Variants in KIT observed in about 807,000 individuals in gnomAD.
KIT encodes KIT proto-oncogene, receptor tyrosine kinase, also known as mast/stem cell growth factor receptor Kit.
In KIT, 16 loss-of-function variants were observed where a neutral mutation model predicts 105.7. The observed-to-expected ratio is 0.15, with a 90% CI of 0.10 to 0.23. The LOEUF (loss-of-function observed/expected upper bound fraction) is 0.23. Among genes scored for constraint, KIT ranks in the 10% least tolerant of loss-of-function variants. KIT has a pLI of 1.00. For synonymous variants in KIT, 438 were observed against 441.1 expected, an observed-to-expected ratio of 0.99 and a Z score of 0.09; for missense variants, 858 against 1,213.8, an observed-to-expected ratio of 0.71 and a Z score of 4.36.
At chr4:54,678,878 A>G (rs1394146840) in intron 1 of KIT, among the ~76,000 whole-genome samples, 2 of 152,166 alleles carry the variant, frequency 1.3e-5, no homozygotes, top group African/African-American at 4.8e-5. Flanking sequence ...TGCCACATGT[A>G]TTTTGTTTTA....
chr4:54,697,352 T>G (rs1720142500), intron 2 of KIT, among the ~76,000 whole-genome samples: 1 of 152,226 alleles, frequency 6.6e-6, no homozygotes. Flanking sequence ...CACCTGAGTT[T>G]CAGATGGAAA....
intron 1 of KIT, among the ~76,000 whole-genome samples, chr4:54,692,998 A>G (rs1206596802): frequency 6.6e-6 from 1 of 152,150 alleles, no homozygotes; most frequent in Non-Finnish European, 1.5e-5. Context: ...AAGCACCTTC[A>G]GTCTGTCCCT....
At chr4:54,709,715 T>C (rs1259735037) in intron 7 of KIT, 176 bp downstream of exon 7, 4 of 673,596 alleles carry the variant, frequency 5.9e-6, no homozygotes, top group African/African-American at 1.8e-5. Context: ...ACCAGTTCCT[T>C]GTCCTACATT....
rs750698749 is a variant in KIT at position 54,737,300 on chromosome 4, G to A, written c.2802+20G>A. 6.7e-7 allele frequency: 1 copy of A among 1,490,848 alleles called. No individual in the cohort carries two copies. Among genetic ancestry groups the A allele is most frequent in the Non-Finnish European group, 9.4e-7 (1 of 1,067,608 alleles). 92.4% of individuals were successfully genotyped at this position (1,490,848 alleles called of 1,614,324 possible). A position where few individuals can be genotyped will look rare whatever the true frequency, so the allele number is the denominator to read the frequency against. On this transcript the variant is annotated intron_variant, in intron 20 of 20. Coordinates refer to ENST00000288135, the MANE Select transcript of KIT (RefSeq NM_000222.3). ...AATCATGTGAGTATACCCTGGCCAG[G>A]CATAGAATCCCCCTTCTCCCAGTTC... is the stretch of plus-strand genomic sequence containing the variant.
chr4:54,715,814 C>T (rs1721453770), intron 7 of KIT, among the ~76,000 whole-genome samples: 1 of 152,292 alleles, frequency 6.6e-6, no homozygotes. Context: ...TGCCAGCTCT[C>T]TGGGTCACCC....
At chr4:54,726,188 C>T (rs1722207995) in intron 9 of KIT, 138 bp downstream of exon 9, 1 of 736,470 alleles carries the variant, frequency 1.4e-6, no homozygotes, top group African/African-American at 1.7e-5. Flanking sequence ...ATCAAACTCA[C>T]TAAGTTTCAT....
intron 7 of KIT, among the ~76,000 whole-genome samples, chr4:54,722,843 T>TTATATATTTATATA (rs1721966000): frequency 7.0e-6 from 1 of 143,176 alleles, no homozygotes; most frequent in African/African-American, 2.7e-5. Flanking sequence ...TTATATATAT[T>TTATATATTTATATA]TATATATATT....
intron 2 of KIT, among the ~76,000 whole-genome samples, chr4:54,697,213 G>A (rs1432177821): frequency 6.6e-6 from 1 of 152,130 alleles, no homozygotes; most frequent in African/African-American, 2.4e-5. Context: ...CCATCATGAG[G>A]TCATTTATTT....
At chr4:54,714,580 T>G (rs192068110) in intron 7 of KIT, among the ~76,000 whole-genome samples, 81 of 152,338 alleles carry the variant, frequency 5.3e-4, no homozygotes, top group Non-Finnish European at 1.0e-3. Flanking sequence ...ATAATTTACA[T>G]AATTGTAGAA....
chr4:54,718,429 T>C (rs1021664814), intron 7 of KIT, among the ~76,000 whole-genome samples: 3 of 152,226 alleles, frequency 2.0e-5, no homozygotes, highest in Admixed American at 2.0e-4. Context: ...ATTGAATTTA[T>C]TTCTGATTAG....
chr4:54,666,999 T>A (rs1325957271), intron 1 of KIT, among the ~76,000 whole-genome samples: 1 of 152,138 alleles, frequency 6.6e-6, no homozygotes, highest in Admixed American at 6.5e-5. Context: ...TTAAACTGAG[T>A]GTCAAAATAA....
chr4:54,708,459 G>A (rs1052628884), intron 6 of KIT, among the ~76,000 whole-genome samples: 1 of 152,054 alleles, frequency 6.6e-6, no homozygotes, highest in African/African-American at 2.4e-5. Context: ...AGCTGAGCGG[G>A]GCTTTTGCAC....
At chr4:54,699,178 T>G (rs1720288306) in intron 3 of KIT, among the ~76,000 whole-genome samples, 1 of 152,182 alleles carries the variant, frequency 6.6e-6, no homozygotes, top group Non-Finnish European at 1.5e-5. Flanking sequence ...AAAAGTATAC[T>G]TATTGAAATT....
Position 54,727,445 on chromosome 4 carries a change from TG to T in KIT, c.1678del (p.Val560LeufsTer4). On this transcript the variant is annotated frameshift_variant, in exon 11 of 21. Transcript: ENST00000288135. LOFTEE classifies it high-confidence loss of function. ...CCATGTATGAAGTACAGTGGAAGGT[TG>T]TTGAGGAGATAAATGGAAACAATTA... ...KPMYEVQWKV[V>X]EEINGNNYVY... The T allele has an allele frequency of 6.2e-7, 1 of 1,614,118 alleles. No individual in the cohort carries two copies. Among genetic ancestry groups the T allele is most frequent in the Non-Finnish European group, 8.5e-7 (1 of 1,179,986 alleles).
chr4:54,666,492 A>G (rs1166068152), intron 1 of KIT, among the ~76,000 whole-genome samples: 1 of 151,122 alleles, frequency 6.6e-6, no homozygotes, highest in African/African-American at 2.4e-5. Flanking sequence ...GTTGGCCAGG[A>G]TGGTCTTGAT....
intron 1 of KIT, 134 bp downstream of exon 1, chr4:54,658,215 G>A: frequency 1.1e-6 from 1 of 885,184 alleles, no homozygotes; most frequent in Non-Finnish European, 1.8e-6. Flanking sequence ...AGCCTCCGGG[G>A]AGACTCCAGG....
chr4:54,723,724 T>G, intron 8 of KIT, 26 bp downstream of exon 8: 1 of 1,318,612 alleles, frequency 7.6e-7, no homozygotes, highest in Non-Finnish European at 1.1e-6. Context: ...TTGGCACTGC[T>G]TATAATGCAG....
At chr4:54,703,924 T>C (rs1488473476) in intron 5 of KIT, 32 bp downstream of exon 5, 1 of 1,509,664 alleles carries the variant, frequency 6.6e-7, no homozygotes, top group Non-Finnish European at 9.2e-7. Context: ...TTTAAATTAC[T>C]GGCAGTAGTG....
chr4:54,676,080 T>TTTTGCAGGTTTGC (rs1252267871), intron 1 of KIT, among the ~76,000 whole-genome samples: 1 of 152,220 alleles, frequency 6.6e-6, no homozygotes, highest in African/African-American at 2.4e-5. Context: ...GAAAATCTGT[T>TTTTGCAGGTTTGC]TTTGCAGGTT....
Sources: gnomAD v4.1 joint callset for allele counts (sites outside exome capture counted in the v4.1 genomes callset) on GRCh38, gnomAD v4.1.1 for gene constraint, MANE v1.5 for transcripts, NCBI Gene and HGNC (gene_info 2026-07-23, HGNC 2026-07-21) for gene names.